Variants in SUMF1 observed in about 807,000 individuals in gnomAD.
SUMF1 encodes sulfatase modifying factor 1, also known as formylglycine-generating enzyme.
A neutral mutation model predicts 47.6 loss-of-function variants in SUMF1; 48 were observed. The ratio of observed to expected loss-of-function variants is 1.01; its 90% confidence interval spans 0.80 to 1.28. The LOEUF (loss-of-function observed/expected upper bound fraction) is 1.28. Among genes scored for constraint, SUMF1 ranks in the 50% most tolerant of loss-of-function variants. The pLI, the probability that SUMF1 is intolerant of heterozygous loss-of-function variation, is 0.00. For synonymous variants in SUMF1, 230 were observed against 192.1 expected (o/e 1.20, Z -1.63); for missense variants, 571 against 485.4 (o/e 1.18, Z -1.66).
intron 8 of SUMF1, chr3:4,313,619 C>T (rs1462577109): frequency 1.3e-5 from 21 of 1,613,960 alleles, no homozygotes; most frequent in Non-Finnish European, 1.7e-5. Context: ...GGTGCCAAAT[C>T]ATGTACTGCT....
intron 8 of SUMF1, among the ~76,000 whole-genome samples, chr3:4,110,087 G>C (rs543083163): frequency 1.3e-5 from 2 of 152,164 alleles, no homozygotes; most frequent in East Asian, 3.9e-4. Flanking sequence ...TGATGGTGAC[G>C]TACAGATGGG....
chr3:4,268,802 T>C (rs1253469331), intron 8 of SUMF1, among the ~76,000 whole-genome samples: 1 of 152,104 alleles, frequency 6.6e-6, no homozygotes, highest in Non-Finnish European at 1.5e-5. Flanking sequence ...CTTAGCTACT[T>C]AATGCATTCT....
chr3:4,453,116 G>A (rs1285819681), intron 1 of SUMF1, 67 bp from the exon 2 acceptor site: 1 of 1,519,564 alleles, frequency 6.6e-7, no homozygotes, highest in African/African-American at 1.4e-5. Context: ...TAGGGGTAAA[G>A]TTCCTAGCAC....
intron 3 of SUMF1, among the ~76,000 whole-genome samples, chr3:4,444,279 G>A (rs1702704965): frequency 6.6e-6 from 1 of 152,082 alleles, no homozygotes; most frequent in Non-Finnish European, 1.5e-5. Context: ...AAAAACTCAG[G>A]GCATATTGTT....
At chr3:4,274,620 C>G (rs1276909521) in intron 8 of SUMF1, among the ~76,000 whole-genome samples, 2 of 152,198 alleles carry the variant, frequency 1.3e-5, no homozygotes, top group Non-Finnish European at 2.9e-5. Flanking sequence ...CAGCCAGACT[C>G]TGCCCCTATG....
chr3:4,228,227 CTTTA>C (rs754875021), intron 8 of SUMF1, among the ~76,000 whole-genome samples: 5 of 151,986 alleles, frequency 3.3e-5, no homozygotes, highest in African/African-American at 9.7e-5. Flanking sequence ...GTGAAAATAA[CTTTA>C]TTTAAGTCAA....
intron 1 of SUMF1, among the ~76,000 whole-genome samples, chr3:4,464,169 A>T (rs764021267): frequency 6.6e-6 from 1 of 152,210 alleles, no homozygotes; most frequent in Non-Finnish European, 1.5e-5. Context: ...GCATTTCCAC[A>T]ATGTGCCATG....
chr3:4,265,407 T>C (rs1258995527), intron 8 of SUMF1, among the ~76,000 whole-genome samples: 3 of 152,174 alleles, frequency 2.0e-5, no homozygotes, highest in Non-Finnish European at 4.4e-5. Flanking sequence ...TGTCCATTTT[T>C]TTGGCAACAA....
intron 8 of SUMF1, among the ~76,000 whole-genome samples, chr3:4,124,812 A>G (rs1220420384): frequency 1.3e-5 from 2 of 152,118 alleles, no homozygotes; most frequent in Non-Finnish European, 2.9e-5. Flanking sequence ...ATATCAAAAA[A>G]AAAAACTCAG....
intron 8 of SUMF1, among the ~76,000 whole-genome samples, chr3:4,089,332 A>G (rs1482528803): frequency 6.6e-6 from 1 of 152,174 alleles, no homozygotes; most frequent in African/African-American, 2.4e-5. Context: ...ACACTTCAGA[A>G]TGTCCAGCTC....
intron 8 of SUMF1, among the ~76,000 whole-genome samples, chr3:4,142,224 C>A (rs1238251077): frequency 6.6e-6 from 1 of 151,608 alleles, no homozygotes; most frequent in African/African-American, 2.4e-5. Context: ...ACAGTTTTTT[C>A]ACTGTTAAAG....
intron 8 of SUMF1, among the ~76,000 whole-genome samples, chr3:4,343,496 C>A (rs896136857): frequency 6.6e-6 from 1 of 152,118 alleles, no homozygotes; most frequent in East Asian, 1.9e-4. Context: ...AATTAGCATA[C>A]CCCAGGGTTG....
intron 8 of SUMF1, among the ~76,000 whole-genome samples, chr3:4,340,421 AGTTTAT>A (rs1245551938): frequency 6.6e-6 from 1 of 152,144 alleles, no homozygotes; most frequent in Non-Finnish European, 1.5e-5. Flanking sequence ...ACTGTGTAAT[AGTTTAT>A]GGTCTTCATG....
At chr3:4,294,327 C>T (rs1697800696) in intron 8 of SUMF1, among the ~76,000 whole-genome samples, 1 of 152,080 alleles carries the variant, frequency 6.6e-6, no homozygotes, top group Non-Finnish European at 1.5e-5. Flanking sequence ...CTTTGGGAGG[C>T]CAAGGCAGAG....
chr3:4,356,704 T>G (rs1022571552), downstream of SUMF1, among the ~76,000 whole-genome samples: 23 of 152,190 alleles, frequency 1.5e-4, no homozygotes, highest in African/African-American at 5.6e-4. Context: ...GTGTTTGCTT[T>G]TTAAAAATAT....
intron 8 of SUMF1, among the ~76,000 whole-genome samples, chr3:4,234,512 C>A (rs750359124): frequency 6.6e-6 from 1 of 152,092 alleles, no homozygotes; most frequent in Non-Finnish European, 1.5e-5. Context: ...CGTATCCATT[C>A]AACTAACATG....
chr3:4,382,822 A>G (rs1358167104), intron 7 of SUMF1, among the ~76,000 whole-genome samples: 1 of 152,184 alleles, frequency 6.6e-6, no homozygotes, highest in African/African-American at 2.4e-5. Context: ...ACAATAGAAC[A>G]GAAAACCAAA....
At chr3:4,088,624 T>C (rs1450713975) in intron 8 of SUMF1, among the ~76,000 whole-genome samples, 2 of 152,146 alleles carry the variant, frequency 1.3e-5, no homozygotes, top group Non-Finnish European at 2.9e-5. Context: ...TCTCCCCAGC[T>C]AAAATGTAGA....
intron 8 of SUMF1, among the ~76,000 whole-genome samples, chr3:4,144,932 G>A (rs954656324): frequency 1.3e-5 from 2 of 152,118 alleles, no homozygotes. Flanking sequence ...GGGCGCGGTG[G>A]CTCACGCCTG....
Sources: allele counts gnomAD v4.1 joint callset (sites outside exome capture counted in the v4.1 genomes callset), GRCh38; gene constraint gnomAD v4.1.1; transcripts MANE v1.5; gene names NCBI Gene and HGNC (gene_info 2026-07-23, HGNC 2026-07-21).